DNAH14: variants seen among roughly 807,000 people sequenced by gnomAD.
DNAH14 encodes the protein axonemal beta dynein heavy chain 14.
A neutral mutation model predicts 520.9 loss-of-function variants in DNAH14; 478 were observed. That is an observed-to-expected ratio of 0.92 (90% confidence interval 0.85 to 0.99). The LOEUF is 0.99. Among genes scored for constraint, DNAH14 ranks in the 50% least tolerant of loss-of-function variants. The pLI, the probability that DNAH14 is intolerant of heterozygous loss-of-function variation, is 0.00. For synonymous variants in DNAH14, 1,581 were observed against 1,757.2 expected (o/e 0.90, Z 2.51); for missense variants, 4,831 against 5,234.5 (o/e 0.92, Z 2.38).
In DNAH14 at chr1:225,358,713, A is replaced by G. The variant is rs1392788668; in HGVS notation, c.11776+61A>G. 29 of 1,484,512 alleles carry G rather than the reference A, an allele frequency of 2.0e-5. No homozygotes were observed. In the East Asian group the frequency reaches 7.3e-4, roughly 37 times the overall value. 92.0% of individuals were successfully genotyped at this position (1,484,512 alleles called of 1,614,324 possible). A position where few individuals can be genotyped will look rare whatever the true frequency, so the allele number is the denominator to read the frequency against. On this transcript the variant is annotated intron_variant, in intron 74 of 85. Coordinates refer to ENST00000682510, the MANE Select transcript of DNAH14 (RefSeq NM_001367479.1). ...GGTTTGGCTCTGTGTCCCCACCCAAATCTTACCTTGAATTGTAATCCCCAT... is the reference window on the plus strand; with the variant it reads ...GGTTTGGCTCTGTGTCCCCACCCAAGTCTTACCTTGAATTGTAATCCCCAT...
chr1:225,136,496 C>T (rs1333901422), intron 27 of DNAH14, among the ~76,000 whole-genome samples: 3 of 152,158 alleles, frequency 2.0e-5, no homozygotes, highest in Non-Finnish European at 2.9e-5. Flanking sequence ...TCTCTTCTGG[C>T]TTTCAGGGTT....
intron 36 of DNAH14, among the ~76,000 whole-genome samples, chr1:225,177,860 T>C (rs1256274581): frequency 6.6e-6 from 1 of 152,084 alleles, no homozygotes; most frequent in Non-Finnish European, 1.5e-5. Context: ...ACACAGAGTC[T>C]ACTGGAGCAC....
chr1:225,161,267 G>A (rs1198579447), intron 35 of DNAH14, among the ~76,000 whole-genome samples: 1 of 152,144 alleles, frequency 6.6e-6, no homozygotes, highest in Non-Finnish European at 1.5e-5. Flanking sequence ...GTGAGAGCAT[G>A]CAATGTTTGT....
rs544266256 is a variant in DNAH14, at chr1:225,257,891, A to G, written c.6866-69A>G. The G allele has an allele frequency of 9.8e-4, 1,213 of 1,232,424 alleles. 7 individuals carry two copies. In the African/African-American group the frequency reaches 0.016, roughly 16 times the overall value. 76.3% of individuals were successfully genotyped at this position (1,232,424 alleles called of 1,614,324 possible). On this transcript the variant is annotated intron_variant, in intron 44 of 85. Transcript: ENST00000682510. Reference sequence around the variant, plus strand: ...AAAATAAAATAATCCTAATGACAAAAAAAAAAAAAAGATGAGGTGAATAGT... The same window carrying G: ...AAAATAAAATAATCCTAATGACAAAGAAAAAAAAAAGATGAGGTGAATAGT...
At chr1:224,955,270 G>A (rs2060438671) in intron 3 of DNAH14, among the ~76,000 whole-genome samples, 172 bp downstream of exon 3, 1 of 144,444 alleles carries the variant, frequency 6.9e-6, no homozygotes, top group Admixed American at 6.9e-5. Context: ...TCAAATAACG[G>A]GAACATTAAC....
At chr1:225,053,686 G>A (rs916486454) in intron 17 of DNAH14, among the ~76,000 whole-genome samples, 15 of 152,128 alleles carry the variant, frequency 9.9e-5, no homozygotes, top group Admixed American at 6.6e-5. Flanking sequence ...TGAATGTAAG[G>A]TATAAGATAA....
intron 21 of DNAH14, among the ~76,000 whole-genome samples, chr1:225,089,140 A>T (rs757667741): frequency 1.1e-4 from 16 of 152,158 alleles, no homozygotes; most frequent in Non-Finnish European, 1.9e-4. Context: ...CCAAAGCAAG[A>T]CAAAGATATT....
intron 73 of DNAH14, chr1:225,357,918 G>A: frequency 1.4e-6 from 1 of 690,972 alleles, no homozygotes; most frequent in South Asian, 1.5e-5. Flanking sequence ...TCTTTCCTCT[G>A]AAATTTTCAA....
chr1:224,946,428 C>T (rs2489299), intron 1 of DNAH14, among the ~76,000 whole-genome samples: 13,944 of 152,026 alleles, frequency 0.092, 2,063 homozygotes, highest in African/African-American at 0.31. Flanking sequence ...ATTCCCTGAC[C>T]CCTTGAGCTT....
At chr1:225,319,352 T>C (rs2094520222) in intron 61 of DNAH14, among the ~76,000 whole-genome samples, 1 of 152,172 alleles carries the variant, frequency 6.6e-6, no homozygotes, top group Admixed American at 6.5e-5. Flanking sequence ...AATTTTTAGC[T>C]TGAGCTCCCC....
intron 77 of DNAH14, among the ~76,000 whole-genome samples, chr1:225,373,935 G>A (rs572891452): frequency 1.3e-5 from 2 of 151,196 alleles, no homozygotes; most frequent in East Asian, 2.0e-4. Flanking sequence ...AGACCAGCCT[G>A]GGCAACATGA....
intron 17 of DNAH14, among the ~76,000 whole-genome samples, chr1:225,073,848 G>A (rs2071864090): frequency 6.6e-6 from 1 of 151,560 alleles, no homozygotes; most frequent in Non-Finnish European, 1.5e-5. Flanking sequence ...ATGCCCAACT[G>A]ATTTTTGTAT....
chr1:225,350,403 T>C (rs987074176), intron 71 of DNAH14, among the ~76,000 whole-genome samples: 1 of 150,970 alleles, frequency 6.6e-6, no homozygotes, highest in Non-Finnish European at 1.5e-5. Flanking sequence ...AGGATTGAAA[T>C]AATAAAGACT....
At chr1:225,021,970 A>T (rs1019150222) in intron 10 of DNAH14, among the ~76,000 whole-genome samples, 2 of 150,172 alleles carry the variant, frequency 1.3e-5, no homozygotes, top group Non-Finnish European at 3.0e-5. Flanking sequence ...TCAGAAATAA[A>T]GCCACACAGT....
chr1:224,994,055 G>A (rs946750771), intron 8 of DNAH14, among the ~76,000 whole-genome samples: 3 of 151,908 alleles, frequency 2.0e-5, no homozygotes, highest in African/African-American at 7.2e-5. Flanking sequence ...AATTGATACT[G>A]TTTCAGTCCT....
At chr1:224,984,544 G>A (rs141187578) in intron 8 of DNAH14, among the ~76,000 whole-genome samples, 1,672 of 152,246 alleles carry the variant, frequency 0.011, 17 homozygotes, top group Non-Finnish European at 0.016. Context: ...AAATAGGGGG[G>A]ACTTAATTAA....
At chr1:225,053,746 T>C (rs911964802) in intron 17 of DNAH14, among the ~76,000 whole-genome samples, 4 of 152,182 alleles carry the variant, frequency 2.6e-5, no homozygotes, top group African/African-American at 4.8e-5. Context: ...TGGGCAGCAA[T>C]GCAAATTATT....
chr1:224,933,283 T>C (rs1558434536), intron 1 of DNAH14, among the ~76,000 whole-genome samples: 1 of 152,172 alleles, frequency 6.6e-6, no homozygotes, highest in Non-Finnish European at 1.5e-5. Flanking sequence ...TTTTGTATCC[T>C]GCAGCTTTAC....
intron 4 of DNAH14, among the ~76,000 whole-genome samples, chr1:224,963,128 A>C (rs1486337737): frequency 6.6e-6 from 1 of 152,084 alleles, no homozygotes; most frequent in Non-Finnish European, 1.5e-5. Flanking sequence ...TTCTATCAAA[A>C]TGTTTATTTT....
Sources: gnomAD v4.1 joint callset for allele counts (sites outside exome capture counted in the v4.1 genomes callset) on GRCh38, gnomAD v4.1.1 for gene constraint, MANE v1.5 for transcripts, NCBI Gene and HGNC (gene_info 2026-07-23, HGNC 2026-07-21) for gene names.